NR3C2: variants seen among roughly 807,000 people sequenced by gnomAD.
The protein encoded by NR3C2 is nuclear receptor subfamily 3 group C member 2.
In NR3C2, 15 loss-of-function variants were observed where a neutral mutation model predicts 86.4. That is an observed-to-expected ratio of 0.17 (90% CI 0.12 to 0.27). The LOEUF is 0.27. Ranked by LOEUF, NR3C2 falls within the 10% of genes least tolerant of loss-of-function variation. The pLI is 1.00. For synonymous variants in NR3C2, 458 were observed against 450.5 expected, an observed-to-expected ratio of 1.02 and a Z score of -0.21; for missense variants, 960 against 1,195.6, an observed-to-expected ratio of 0.80 and a Z score of 2.91.
At chr4:148,304,513 T>C (rs1241145119) in intron 2 of NR3C2, among the ~76,000 whole-genome samples, 1 of 152,034 alleles carries the variant, frequency 6.6e-6, no homozygotes, top group African/African-American at 2.4e-5. Flanking sequence ...AATCAGAGCC[T>C]CAGACAATGG....
chr4:148,241,031 C>T (rs1031204512), intron 3 of NR3C2, among the ~76,000 whole-genome samples: 9 of 152,190 alleles, frequency 5.9e-5, no homozygotes, highest in Admixed American at 1.3e-4. Context: ...TCCAGCTGGG[C>T]GCGGTGGCTC....
intron 3 of NR3C2, chr4:148,201,029 C>G (rs1245271890): frequency 1.3e-5 from 2 of 152,206 alleles, no homozygotes; most frequent in Non-Finnish European, 2.9e-5. Context: ...GTGTTTCCCT[C>G]CATCTGTACC....
intron 8 of NR3C2, among the ~76,000 whole-genome samples, chr4:148,087,089 C>G (rs374868930): frequency 9.8e-5 from 15 of 152,344 alleles, no homozygotes; most frequent in African/African-American, 2.6e-4. Context: ...GATACAAAAT[C>G]AGTGTGCAAA....
intron 2 of NR3C2, among the ~76,000 whole-genome samples, chr4:148,400,023 CTT>C (rs74697329): frequency 0.1 from 15,809 of 152,220 alleles, 977 homozygotes; most frequent in Middle Eastern, 0.32. Context: ...TCAAGAAACT[CTT>C]TGTATTTTAA....
At chr4:148,322,104 T>A (rs1231228954) in intron 2 of NR3C2, among the ~76,000 whole-genome samples, 2 of 151,804 alleles carry the variant, frequency 1.3e-5, no homozygotes, top group East Asian at 1.9e-4. Context: ...CATTTGCTTG[T>A]CTGTAAAGTA....
chr4:148,435,497 C>T lies in NR3C2; in HGVS notation c.1364G>A (p.Gly455Asp). Residue 455 changes from glycine to aspartate, a missense_variant, in exon 2 of 9, where the codon GGC becomes GAC. By Grantham distance (94) the Gly-to-Asp change is moderately conservative. Transcript: ENST00000358102. ...PTVNPFPFMDGSYFSFMDDKD... is the reference protein window; with the variant it reads ...PTVNPFPFMDDSYFSFMDDKD... ...ATCATCCATAAAGGAAAAATACGAG[C>T]CATCCATAAATGGAAACGGGTTTAC... The T allele has an allele frequency of 6.2e-6, 10 of 1,614,066 alleles. No individual in the cohort carries two copies. The highest frequency in any genetic ancestry group is 8.5e-6 in the Non-Finnish European group (10 of 1,180,042).
At chr4:148,357,717 A>G (rs1255721205) in intron 2 of NR3C2, among the ~76,000 whole-genome samples, 6 of 152,158 alleles carry the variant, frequency 3.9e-5, no homozygotes, top group African/African-American at 1.2e-4. Flanking sequence ...ATAATACCAT[A>G]TTATATTGAT....
Position 148,221,927 on chromosome 4 carries a change from A to G in NR3C2, c.1898-27065T>C, listed in dbSNP as rs528967502. ...AAAAAAAAAAAGAAAAAGTGCTACA[A>G]TCTCAATCTCTAATATGTAATAATT... On this transcript the variant is annotated intron_variant, in intron 3 of 8. Transcript: ENST00000358102. Among the ~76,000 whole-genome samples, 13 of 151,602 alleles carry G rather than the reference A, an allele frequency of 8.6e-5. No homozygotes were observed. In the South Asian group the frequency reaches 2.1e-3, roughly 24 times the overall value.
intron 2 of NR3C2, among the ~76,000 whole-genome samples, chr4:148,293,770 A>C (rs1167976045): frequency 6.6e-6 from 1 of 152,188 alleles, no homozygotes; most frequent in Non-Finnish European, 1.5e-5. Flanking sequence ...GGAAGAGGTC[A>C]GTTTGGTAAG....
At chr4:148,355,426 C>T (rs1040771542) in intron 2 of NR3C2, among the ~76,000 whole-genome samples, 3 of 152,180 alleles carry the variant, frequency 2.0e-5, no homozygotes, top group African/African-American at 7.2e-5. Flanking sequence ...GAAGCCGCTA[C>T]CCTACTCCCA....
chr4:148,248,106 A>C (rs557500581), intron 3 of NR3C2, among the ~76,000 whole-genome samples: 2 of 152,328 alleles, frequency 1.3e-5, no homozygotes, highest in South Asian at 4.1e-4. Context: ...TTAATTTAAA[A>C]AACTGAAAGG....
chr4:148,341,528 T>C (rs1031209825), intron 2 of NR3C2, among the ~76,000 whole-genome samples: 4 of 152,112 alleles, frequency 2.6e-5, no homozygotes, highest in African/African-American at 9.7e-5. Context: ...GAATAAGACC[T>C]AGTGTTTGAA....
intron 2 of NR3C2, among the ~76,000 whole-genome samples, chr4:148,279,022 G>C (rs1464968787): frequency 2.6e-5 from 4 of 152,076 alleles, no homozygotes; most frequent in African/African-American, 9.7e-5. Flanking sequence ...AATTAGCTGG[G>C]CGTGGTGGCA....
intron 2 of NR3C2, among the ~76,000 whole-genome samples, chr4:148,380,403 T>C (rs1194938742): frequency 6.6e-6 from 1 of 152,246 alleles, no homozygotes; most frequent in Non-Finnish European, 1.5e-5. Flanking sequence ...TGGGCTATTA[T>C]GAATAATGCT....
intron 4 of NR3C2, among the ~76,000 whole-genome samples, chr4:148,189,200 A>G (rs955703521): frequency 4.6e-5 from 7 of 152,306 alleles, no homozygotes; most frequent in Middle Eastern, 3.4e-3. Flanking sequence ...AAGTGTTGGC[A>G]TTACAGGCAT....
intron 1 of NR3C2, among the ~76,000 whole-genome samples, chr4:148,440,494 G>C (rs1256072355): frequency 2.6e-5 from 4 of 152,210 alleles, no homozygotes; most frequent in African/African-American, 9.6e-5. Context: ...GAAGCAGATA[G>C]AGGTATACAA....
chr4:148,193,285 T>C (rs750561520), intron 4 of NR3C2, among the ~76,000 whole-genome samples: 10 of 152,042 alleles, frequency 6.6e-5, no homozygotes. Context: ...GAGAGGAGGG[T>C]CTCCCTTTCC....
chr4:148,119,455 A>G (rs567448190), intron 7 of NR3C2, among the ~76,000 whole-genome samples: 1 of 152,222 alleles, frequency 6.6e-6, no homozygotes, highest in South Asian at 2.1e-4. Context: ...CCACCATTAC[A>G]TTCCTTACCT....
chr4:148,315,988 T>C (rs548430701), intron 2 of NR3C2, among the ~76,000 whole-genome samples: 1 of 152,206 alleles, frequency 6.6e-6, no homozygotes, highest in Admixed American at 6.5e-5. Context: ...ACTTCTATAA[T>C]ATGCATATTT....
Sources: gnomAD v4.1 joint callset for allele counts (sites outside exome capture counted in the v4.1 genomes callset) on GRCh38, gnomAD v4.1.1 for gene constraint, MANE v1.5 for transcripts, NCBI Gene and HGNC (gene_info 2026-07-23, HGNC 2026-07-21) for gene names.